LOXL2: variants seen among roughly 807,000 people sequenced by gnomAD.
LOXL2 encodes the protein lysyl oxidase homolog 2.
Under a neutral mutation model 93.0 loss-of-function variants are expected in LOXL2, and 70 were observed. The ratio of observed to expected loss-of-function variants is 0.75; its 90% confidence interval spans 0.62 to 0.92. LOXL2 has a LOEUF of 0.92. LOXL2 is among the 40% of genes least tolerant of loss of function. LOXL2 has a pLI of 0.00. For synonymous variants in LOXL2, 438 were observed against 413.2 expected, an observed-to-expected ratio of 1.06 and a Z score of -0.73; for missense variants, 973 against 1,054.9, an observed-to-expected ratio of 0.92 and a Z score of 1.08.
At chr8:23,320,601 C>T (rs1311021779) in intron 7 of LOXL2, among the ~76,000 whole-genome samples, 11 of 152,082 alleles carry the variant, frequency 7.2e-5, no homozygotes, top group South Asian at 4.2e-4. Context: ...GGCCATGTTC[C>T]GATACAACTT....
At chr8:23,358,644 A>G (rs1804236627) in intron 3 of LOXL2, among the ~76,000 whole-genome samples, 2 of 152,224 alleles carry the variant, frequency 1.3e-5, no homozygotes, top group South Asian at 4.1e-4. Flanking sequence ...GAGTAATGTA[A>G]TAAGTGTGTG....
chr8:23,315,173 G>A (rs1803376125), intron 9 of LOXL2, among the ~76,000 whole-genome samples: 1 of 152,144 alleles, frequency 6.6e-6, no homozygotes, highest in South Asian at 2.1e-4. Context: ...CAGCAACAGT[G>A]GCAGGGAAAG....
At position 23,342,656 on chromosome 8, in the gene LOXL2, T is replaced by C. The variant is rs528395095; in HGVS notation, c.532-1453A>G. ...CCATGTTAGCCAGGATGGTCTCGAT[T>C]TCCTGACCTCATGATCAGCCCGCCT... On this transcript the variant is annotated intron_variant, in intron 3 of 13. Coordinates refer to ENST00000389131, the MANE Select transcript of LOXL2 (RefSeq NM_002318.3). Among the ~76,000 whole-genome samples, 35 of 152,238 alleles carry C rather than the reference T, an allele frequency of 2.3e-4. No homozygotes were observed. In the East Asian group the frequency reaches 5.0e-3, roughly 22 times the overall value.
chr8:23,351,273 C>A (rs1043179828), intron 3 of LOXL2, among the ~76,000 whole-genome samples: 1 of 152,186 alleles, frequency 6.6e-6, no homozygotes, highest in African/African-American at 2.4e-5. Flanking sequence ...CACTTAGGCT[C>A]ATTGCAGAAC....
At chr8:23,348,395 T>TA (rs1198104329) in intron 3 of LOXL2, among the ~76,000 whole-genome samples, 2 of 151,552 alleles carry the variant, frequency 1.3e-5, no homozygotes, top group Admixed American at 1.3e-4. Context: ...CCCTAGAACT[T>TA]AAAGTATAAT....
chr8:23,346,092 A>AAATT (rs1563197348), intron 3 of LOXL2, among the ~76,000 whole-genome samples: 15 of 118,232 alleles, frequency 1.3e-4, no homozygotes, highest in African/African-American at 4.3e-4. Context: ...ATAATAAAAT[A>AAATT]AAATAAAATA....
chr8:23,315,824 T>C (rs1201736923), intron 9 of LOXL2, among the ~76,000 whole-genome samples: 1 of 152,244 alleles, frequency 6.6e-6, no homozygotes, highest in Non-Finnish European at 1.5e-5. Flanking sequence ...TTTTATTTTA[T>C]GCTATCTTGA....
chr8:23,343,976 G>A (rs926960326), intron 3 of LOXL2, among the ~76,000 whole-genome samples: 3 of 152,220 alleles, frequency 2.0e-5, no homozygotes, highest in South Asian at 2.1e-4. Flanking sequence ...CAGGCGGCCC[G>A]GGCTGACCTT....
chr8:23,318,055 T>C (rs1168437420), intron 8 of LOXL2, among the ~76,000 whole-genome samples: 4 of 133,036 alleles, frequency 3.0e-5, no homozygotes, highest in Non-Finnish European at 6.9e-5. Flanking sequence ...CTATTCTAGA[T>C]GCTTACGTGA....
chr8:23,328,157 C>T (rs566068873), intron 6 of LOXL2, among the ~76,000 whole-genome samples: 2 of 152,220 alleles, frequency 1.3e-5, no homozygotes, highest in Admixed American at 1.3e-4. Context: ...ATGTTTACTC[C>T]GTCTTTTGGG....
Position 23,333,446 on chromosome 8 carries a change from G to C in LOXL2, c.921C>G (p.Phe307Leu). The C allele has an allele frequency of 1.2e-6, 2 of 1,613,924 alleles. No homozygotes were observed. The highest frequency in any genetic ancestry group is 1.7e-6 in the Non-Finnish European group (2 of 1,180,042). Reference sequence around the variant, plus strand: ...GGAATCTTGAGGGTCCGTCAGGGCTGAAGACCTGCCCAGGCACACAACTCA... The same window carrying C: ...GGAATCTTGAGGGTCCGTCAGGGCTCAAGACCTGCCCAGGCACACAACTCA... The part of the protein sequence containing the change: ...AVVSCVPGQV[F>L]SPDGPSRFRK... Residue 307 changes from phenylalanine to leucine, a missense_variant, in exon 5 of 14, where the codon TTC becomes TTG. By Grantham distance (22) the Phe-to-Leu change is conservative. Coordinates refer to ENST00000389131, the MANE Select transcript of LOXL2 (RefSeq NM_002318.3).
intron 10 of LOXL2, among the ~76,000 whole-genome samples, chr8:23,306,129 G>A (rs2117142800): frequency 6.6e-6 from 1 of 152,268 alleles, no homozygotes; most frequent in East Asian, 1.9e-4. Flanking sequence ...AGTGTTTTAA[G>A]ACATGGCACT....
intron 2 of LOXL2, chr8:23,363,090 A>T (rs533212612): frequency 6.6e-6 from 1 of 152,216 alleles, no homozygotes; most frequent in South Asian, 2.1e-4. Flanking sequence ...TGTGCCTGGT[A>T]CGCTTTCAAC....
At chr8:23,325,327 T>C (rs976239680) in intron 6 of LOXL2, among the ~76,000 whole-genome samples, 1 of 152,208 alleles carries the variant, frequency 6.6e-6, no homozygotes. Context: ...AGTCTCGCTA[T>C]GTCACTCAAG....
At chr8:23,335,414 A>G (rs1304381255) in intron 4 of LOXL2, among the ~76,000 whole-genome samples, 3 of 152,220 alleles carry the variant, frequency 2.0e-5, no homozygotes, top group Non-Finnish European at 4.4e-5. Context: ...GTGCCCAGAG[A>G]TAGGAAGAGC....
intron 10 of LOXL2, among the ~76,000 whole-genome samples, chr8:23,307,933 T>C (rs952944316): frequency 3.7e-5 from 4 of 106,690 alleles, no homozygotes; most frequent in African/African-American, 7.2e-5. Flanking sequence ...TGAATGTGAC[T>C]AGGTCATCAG....
At chr8:23,367,961 G>A (rs770693132) in intron 2 of LOXL2, 36 bp downstream of exon 2, 23 of 1,558,996 alleles carry the variant, frequency 1.5e-5, no homozygotes, top group Non-Finnish European at 1.9e-5. Flanking sequence ...GCCTTGCCAG[G>A]TGACAGCACT....
chr8:23,355,181 A>G (rs1379680641), intron 3 of LOXL2, among the ~76,000 whole-genome samples: 1 of 151,582 alleles, frequency 6.6e-6, no homozygotes, highest in Non-Finnish European at 1.5e-5. Flanking sequence ...CTGACCTCAC[A>G]TGATTTGTCT....
chr8:23,328,866 G>T (rs937968282), intron 5 of LOXL2: 1 of 335,714 alleles, frequency 3.0e-6, no homozygotes, highest in Non-Finnish European at 5.6e-6. Flanking sequence ...GGGGACCGTC[G>T]ATCACTCATC....
Sources: allele counts gnomAD v4.1 joint callset (sites outside exome capture counted in the v4.1 genomes callset), GRCh38; gene constraint gnomAD v4.1.1; transcripts MANE v1.5; gene names NCBI Gene and HGNC (gene_info 2026-07-23, HGNC 2026-07-21).